Variants in ANKS1B observed in about 807,000 individuals in gnomAD.
ANKS1B encodes the protein ankyrin repeat and sterile alpha motif domain containing 1B, also known as ankyrin repeat and sterile alpha motif domain-containing protein 1B.
ANKS1B carries 36 observed loss-of-function variants against 148.3 expected under a neutral mutation model. The ratio of observed to expected loss-of-function variants is 0.24; its 90% CI spans 0.19 to 0.32. The LOEUF (loss-of-function observed/expected upper bound fraction) is 0.32, where lower values mean the gene tolerates loss of function less well. ANKS1B is among the 10% of genes least tolerant of loss of function. The pLI is 1.00. For synonymous variants in ANKS1B, 542 were observed against 560.8 expected (o/e 0.97, Z 0.47); for missense variants, 1,157 against 1,542.6 (o/e 0.75, Z 4.19).
At chr12:99,670,802 T>C (rs1478810918) in intron 8 of ANKS1B, among the ~76,000 whole-genome samples, 2 of 151,990 alleles carry the variant, frequency 1.3e-5, no homozygotes, top group Non-Finnish European at 2.9e-5. Context: ...AAAGGGGAGA[T>C]GGGAATGAGG....
chr12:99,100,212 G>C (rs1297756884), intron 15 of ANKS1B, among the ~76,000 whole-genome samples: 1 of 152,172 alleles, frequency 6.6e-6, no homozygotes, highest in African/African-American at 2.4e-5. Context: ...TGCTTCACTA[G>C]ATGTTAATTA....
In ANKS1B at chr12:99,132,363, G is replaced by A. The variant is rs749510176; in HGVS notation, c.2526+21926C>T. Among the ~76,000 whole-genome samples, 6 of 152,022 alleles carry A rather than the reference G, an allele frequency of 3.9e-5. No individual in the cohort carries two copies. In the East Asian group the frequency reaches 5.8e-4, roughly 15 times the overall value. ...AAAAAGTAATAGAGAATCCTGGGCC[G>A]GGTGAAGTGGCTCACACCTGTAATC... On this transcript the variant is annotated intron_variant, in intron 15 of 26. Transcript: ENST00000683438.
intron 17 of ANKS1B, among the ~76,000 whole-genome samples, chr12:98,872,211 G>A (rs1211662934): frequency 6.6e-6 from 1 of 152,116 alleles, no homozygotes; most frequent in East Asian, 1.9e-4. Flanking sequence ...CAATACCTAT[G>A]AATGAGACTG....
At chr12:99,824,478 C>T (rs1456951129) in intron 2 of ANKS1B, among the ~76,000 whole-genome samples, 12 of 146,214 alleles carry the variant, frequency 8.2e-5, no homozygotes, top group Non-Finnish European at 1.8e-4. Flanking sequence ...CCAGCCTGGG[C>T]GAAGGAGTGA....
chr12:99,709,149 C>T lies in ANKS1B; in HGVS notation c.1129-53939G>A, dbSNP rs543075529. Among the ~76,000 whole-genome samples, 156 of 152,104 alleles carry T rather than the reference C, an allele frequency of 1.0e-3. 2 individuals carry two copies. Among genetic ancestry groups the T allele is most frequent in the African/African-American group, 1.5e-3 (63 of 41,488 alleles). ...ATGAATACTGCTGTGTGTGTGTGCACGCACACATGCACACATAAGCACACG... is the reference window on the plus strand; with the variant it reads ...ATGAATACTGCTGTGTGTGTGTGCATGCACACATGCACACATAAGCACACG... On this transcript the variant is annotated intron_variant, in intron 8 of 26. Transcript: ENST00000683438.
At chr12:99,264,731 G>A (rs553821539) in intron 12 of ANKS1B, among the ~76,000 whole-genome samples, 3 of 152,198 alleles carry the variant, frequency 2.0e-5, no homozygotes, top group African/African-American at 7.2e-5. Context: ...GTCTTAGCTT[G>A]TCTCTTTTGG....
intron 17 of ANKS1B, among the ~76,000 whole-genome samples, chr12:98,945,653 C>T (rs1361479990): frequency 1.3e-5 from 2 of 151,872 alleles, no homozygotes; most frequent in Non-Finnish European, 2.9e-5. Flanking sequence ...TTGAGTGAAA[C>T]CAGAATCAAT....
At chr12:99,930,088 C>A (rs1050234862) in intron 1 of ANKS1B, among the ~76,000 whole-genome samples, 2 of 151,720 alleles carry the variant, frequency 1.3e-5, no homozygotes, top group African/African-American at 4.9e-5. Context: ...TTACCTGGGG[C>A]CGTATGGCCA....
intron 8 of ANKS1B, among the ~76,000 whole-genome samples, chr12:99,740,620 T>C (rs1267466954): frequency 3.9e-5 from 6 of 152,076 alleles, no homozygotes; most frequent in South Asian, 2.1e-4. Flanking sequence ...GATGGCCAAA[T>C]AGGAACAGCT....
intron 12 of ANKS1B, among the ~76,000 whole-genome samples, chr12:99,273,574 A>ATT (rs1188069212): frequency 0.017 from 1,668 of 97,046 alleles, 129 homozygotes; most frequent in African/African-American, 0.054. Context: ...TTTTTTTGCG[A>ATT]TTTTTTTTTT....
At chr12:99,884,921 A>G (rs2092740387) in intron 1 of ANKS1B, among the ~76,000 whole-genome samples, 1 of 151,720 alleles carries the variant, frequency 6.6e-6, no homozygotes, top group African/African-American at 2.4e-5. Context: ...AAACAAATTT[A>G]CCTATTTAAA....
rs534181485 is a variant in ANKS1B, at chr12:99,648,404, G to GC, written c.1272+6662dup. 326 of 1,614,186 alleles carry GC rather than the reference G, an allele frequency of 2.0e-4. 1 individual carries two copies. Among genetic ancestry groups the GC allele is most frequent in the South Asian group, 1.6e-3 (149 of 91,082 alleles). On this transcript the variant is annotated intron_variant, in intron 9 of 26. Coordinates refer to ENST00000683438, the MANE Select transcript of ANKS1B (RefSeq NM_001352186.2). Reference sequence around the variant, plus strand: ...GTAACAATGGGCATCGTTCGCACCAGCCCCTGCCTCACACTACCTGATGTC... The same window carrying GC: ...GTAACAATGGGCATCGTTCGCACCAGCCCCCTGCCTCACACTACCTGATGTC...
In ANKS1B at chr12:98,950,815, C is replaced by T. The variant is rs143670787; in HGVS notation, c.2778+102342G>A. On this transcript the variant is annotated intron_variant, in intron 17 of 26. Coordinates refer to ENST00000683438, the MANE Select transcript of ANKS1B (RefSeq NM_001352186.2). ...GGGTGTTGCTCTCTTGCCCAAGCTACGGTGCAGTGGTGCAATTATAGCTCA... is the reference window on the plus strand; with the variant it reads ...GGGTGTTGCTCTCTTGCCCAAGCTATGGTGCAGTGGTGCAATTATAGCTCA... 8.3e-4 allele frequency among the ~76,000 whole-genome samples: 126 copies of T among 152,196 alleles called. 2 individuals are homozygous for T. The East Asian group carries it at 0.02, about 24-fold the overall frequency.
chr12:99,387,629 A>G (rs979471131), intron 12 of ANKS1B, among the ~76,000 whole-genome samples: 1 of 151,868 alleles, frequency 6.6e-6, no homozygotes, highest in Non-Finnish European at 1.5e-5. Context: ...AAGAAGCCCA[A>G]GGGAGCTCCT....
intron 12 of ANKS1B, among the ~76,000 whole-genome samples, chr12:99,354,123 T>A (rs919873669): frequency 5.9e-5 from 9 of 152,048 alleles, no homozygotes; most frequent in Non-Finnish European, 1.2e-4. Flanking sequence ...TAGCACAGTG[T>A]ATATACTAAC....
intron 9 of ANKS1B, among the ~76,000 whole-genome samples, chr12:99,627,746 T>G (rs940276930): frequency 2.6e-5 from 4 of 152,106 alleles, no homozygotes; most frequent in Non-Finnish European, 4.4e-5. Context: ...ATAAAACATG[T>G]ATATAAACAG....
chr12:99,014,602 G>A (rs1360344242), intron 17 of ANKS1B, among the ~76,000 whole-genome samples: 1 of 151,698 alleles, frequency 6.6e-6, no homozygotes, highest in East Asian at 2.0e-4. Flanking sequence ...CATAATGGTA[G>A]AAAATTGTGC....
chr12:99,307,834 G>T (rs2082565678), intron 12 of ANKS1B, among the ~76,000 whole-genome samples: 1 of 151,838 alleles, frequency 6.6e-6, no homozygotes, highest in South Asian at 2.1e-4. Context: ...TAGCTGTAGT[G>T]GAAAAAACAA....
intron 8 of ANKS1B, among the ~76,000 whole-genome samples, chr12:99,682,026 A>G (rs1258533422): frequency 6.6e-6 from 1 of 152,364 alleles, no homozygotes; most frequent in South Asian, 2.1e-4. Flanking sequence ...ACAAAGAGGG[A>G]CATTATGTAA....
Sources: allele counts gnomAD v4.1 joint callset (sites outside exome capture counted in the v4.1 genomes callset), GRCh38; gene constraint gnomAD v4.1.1; transcripts MANE v1.5; gene names NCBI Gene and HGNC (gene_info 2026-07-23, HGNC 2026-07-21).